IL1RAPL1: variants seen among roughly 807,000 people sequenced by gnomAD.
The protein encoded by IL1RAPL1 is interleukin 1 receptor accessory protein like 1.
Under a neutral mutation model 48.4 loss-of-function variants are expected in IL1RAPL1, and 3 were observed. The ratio of observed to expected loss-of-function variants is 0.06; its 90% confidence interval spans 0.03 to 0.16. The LOEUF (loss-of-function observed/expected upper bound fraction) is 0.16. Among genes scored for constraint, IL1RAPL1 ranks in the 10% least tolerant of loss-of-function variants. The pLI is 1.00. For synonymous variants in IL1RAPL1, 185 were observed against 187.7 expected (o/e 0.99, Z 0.12); for missense variants, 349 against 530.6 (o/e 0.66, Z 3.36).
At chrX:28,656,886 C>T (rs1035964725) in intron 1 of IL1RAPL1, among the ~76,000 whole-genome samples, 1 of 109,231 alleles carries the variant, frequency 9.2e-6, no homozygotes, top group African/African-American at 3.3e-5. Flanking sequence ...ATTAGCCGGG[C>T]GTGGTGGCGG....
chrX:29,713,876 A>C (rs1018552396), intron 6 of IL1RAPL1, among the ~76,000 whole-genome samples: 2 of 112,098 alleles, frequency 1.8e-5, no homozygotes, highest in Admixed American at 9.5e-5. Context: ...AAATTTATTG[A>C]TATAGTTTTT....
chrX:28,613,759 A>G (rs1934181224), intron 1 of IL1RAPL1, among the ~76,000 whole-genome samples: 1 of 112,135 alleles, frequency 8.9e-6, no homozygotes, highest in South Asian at 3.7e-4. Context: ...ACGGGACAGA[A>G]GGCAGTTTTC....
chrX:29,227,346 T>C (rs1403522718), intron 2 of IL1RAPL1, among the ~76,000 whole-genome samples: 1 of 111,543 alleles, frequency 9.0e-6, no homozygotes, highest in Non-Finnish European at 1.9e-5. Context: ...TGTTGAATGT[T>C]ATTGTTTTTA....
intron 6 of IL1RAPL1, among the ~76,000 whole-genome samples, chrX:29,805,170 A>G (rs1049002594): frequency 6.3e-5 from 7 of 111,955 alleles, no homozygotes; most frequent in Non-Finnish European, 1.3e-4. Context: ...TTCAAATGAT[A>G]AAATAGTACT....
intron 5 of IL1RAPL1, among the ~76,000 whole-genome samples, chrX:29,462,771 A>G (rs775072748): frequency 2.7e-5 from 3 of 111,853 alleles, no homozygotes; most frequent in East Asian, 5.6e-4. Flanking sequence ...ATCATCCCAC[A>G]AGAGATTCCC....
rs780896361 is a variant in IL1RAPL1 at position 28,591,405 on chromosome X, T to C, written c.-25+3358T>C. ...AACTTTGAAGATTTATATTTCAGAATTTGTTAGTTTGTTACACACTGAAAT... is the reference window on the plus strand; with the variant it reads ...AACTTTGAAGATTTATATTTCAGAACTTGTTAGTTTGTTACACACTGAAAT... On this transcript the variant is annotated intron_variant, in intron 1 of 10. Coordinates refer to ENST00000378993, the MANE Select transcript of IL1RAPL1 (RefSeq NM_014271.4). Among the ~76,000 whole-genome samples the C allele has an allele frequency of 7.1e-5, 8 of 112,326 alleles. No homozygotes were observed. The South Asian group carries it at 2.9e-3, about 41-fold the overall frequency.
At chrX:29,944,034 C>T (rs1478531088) in intron 9 of IL1RAPL1, among the ~76,000 whole-genome samples, 1 of 111,893 alleles carries the variant, frequency 8.9e-6, no homozygotes, top group Non-Finnish European at 1.9e-5. Flanking sequence ...TTTAGCGATT[C>T]TTAGAACTCT....
At chrX:28,909,920 T>C (rs1923314967) in intron 2 of IL1RAPL1, among the ~76,000 whole-genome samples, 1 of 111,934 alleles carries the variant, frequency 8.9e-6, no homozygotes, top group Admixed American at 9.5e-5. Flanking sequence ...AACAACTTCT[T>C]CTGGATATAT....
chrX:28,642,942 G>A (rs1259878432), intron 1 of IL1RAPL1, among the ~76,000 whole-genome samples: 1 of 110,320 alleles, frequency 9.1e-6, no homozygotes, highest in African/African-American at 3.3e-5. Flanking sequence ...AGGCTGGAGT[G>A]CAGTGGTGTG....
At chrX:29,534,560 TGTG>T (rs1921149136) in intron 5 of IL1RAPL1, among the ~76,000 whole-genome samples, 2 of 111,384 alleles carry the variant, frequency 1.8e-5, no homozygotes, top group African/African-American at 6.5e-5. Context: ...TCCAGCCAGG[TGTG>T]GTGACTCATG....
chrX:28,613,613 T>A (rs1934178927), intron 1 of IL1RAPL1, among the ~76,000 whole-genome samples: 1 of 112,562 alleles, frequency 8.9e-6, no homozygotes, highest in Non-Finnish European at 1.9e-5. Context: ...GAGCCTTTAG[T>A]CTGTGAAAGA....
intron 2 of IL1RAPL1, among the ~76,000 whole-genome samples, chrX:28,863,922 C>T: frequency 8.9e-6 from 1 of 111,802 alleles, no homozygotes; most frequent in East Asian, 2.8e-4. Flanking sequence ...TGTTTATACT[C>T]CTGCCTTATT....
At chrX:29,381,759 C>T (rs1483923068) in intron 3 of IL1RAPL1, among the ~76,000 whole-genome samples, 2 of 95,611 alleles carry the variant, frequency 2.1e-5, no homozygotes, top group African/African-American at 4.0e-5. Flanking sequence ...GAGGCTGCAG[C>T]GAGCCATGAT....
chrX:28,837,945 C>T (rs1466184175), intron 2 of IL1RAPL1, among the ~76,000 whole-genome samples: 1 of 109,870 alleles, frequency 9.1e-6, no homozygotes, highest in Non-Finnish European at 1.9e-5. Flanking sequence ...TCTCCCCATA[C>T]TGTGACTTCC....
intron 1 of IL1RAPL1, among the ~76,000 whole-genome samples, chrX:28,737,911 A>G (rs1935863264): frequency 9.0e-6 from 1 of 111,159 alleles, no homozygotes; most frequent in Non-Finnish European, 1.9e-5. Flanking sequence ...GAGGCTTCTT[A>G]CTGTTCACAT....
At chrX:28,955,196 G>A (rs949988356) in intron 2 of IL1RAPL1, among the ~76,000 whole-genome samples, 4 of 111,241 alleles carry the variant, frequency 3.6e-5, no homozygotes, top group Admixed American at 9.6e-5. Context: ...TATCAAACAC[G>A]TGACAGGAAT....
intron 2 of IL1RAPL1, among the ~76,000 whole-genome samples, chrX:28,928,041 G>A (rs1374129809): frequency 9.0e-6 from 1 of 110,909 alleles, no homozygotes; most frequent in Non-Finnish European, 1.9e-5. Flanking sequence ...TAATATGAAT[G>A]TCAAACTTAA....
chrX:28,853,739 C>T (rs911432801), intron 2 of IL1RAPL1, among the ~76,000 whole-genome samples: 12 of 111,691 alleles, frequency 1.1e-4, no homozygotes, highest in African/African-American at 3.6e-4. Flanking sequence ...CAACTACCTA[C>T]AGATATATAG....
intron 2 of IL1RAPL1, among the ~76,000 whole-genome samples, chrX:29,001,709 A>G (rs1012743104): frequency 9.0e-6 from 1 of 111,687 alleles, no homozygotes; most frequent in Non-Finnish European, 1.9e-5. Flanking sequence ...AAGAAAAAAT[A>G]TTTTAATTGA....
Sources: gnomAD v4.1 joint callset for allele counts (sites outside exome capture counted in the v4.1 genomes callset) on GRCh38, gnomAD v4.1.1 for gene constraint, MANE v1.5 for transcripts, NCBI Gene and HGNC (gene_info 2026-07-23, HGNC 2026-07-21) for gene names.